C1orf21: variants seen among roughly 807,000 people sequenced by gnomAD.
C1orf21 encodes the protein chromosome 1 open reading frame 21, also known as uncharacterized protein C1orf21.
C1orf21 carries 3 observed loss-of-function variants against 18.7 expected under a neutral mutation model. The observed-to-expected ratio is 0.16, with a 90% CI of 0.07 to 0.42. The LOEUF is 0.42. C1orf21 is among the 10% of genes least tolerant of loss of function. C1orf21 has a pLI of 0.99. For synonymous variants in C1orf21, 41 were observed against 46.4 expected, an observed-to-expected ratio of 0.88 and a Z score of 0.47; for missense variants, 104 against 143.6, an observed-to-expected ratio of 0.72 and a Z score of 1.41.
chr1:184,582,543 C>T (rs186860041), intron 3 of C1orf21, among the ~76,000 whole-genome samples: 1 of 152,308 alleles, frequency 6.6e-6, no homozygotes, highest in East Asian at 1.9e-4. Context: ...CTCTAGGCCT[C>T]CAGCATCTAT....
intron 3 of C1orf21, among the ~76,000 whole-genome samples, chr1:184,554,000 C>T (rs189228711): frequency 2.0e-4 from 30 of 152,318 alleles, no homozygotes; most frequent in Middle Eastern, 3.4e-3. Context: ...GCAGTTTCTG[C>T]ATTAATGGGA....
chr1:184,606,817 A>G (rs182020036), intron 5 of C1orf21, among the ~76,000 whole-genome samples: 20 of 152,294 alleles, frequency 1.3e-4, no homozygotes, highest in Non-Finnish European at 2.1e-4. Context: ...CAAATCTGGA[A>G]GAATAGCATT....
intron 3 of C1orf21, among the ~76,000 whole-genome samples, chr1:184,539,044 A>T (rs948789775): frequency 6.6e-6 from 1 of 152,188 alleles, no homozygotes; most frequent in Admixed American, 6.5e-5. Context: ...GTTGAATTGA[A>T]GTGATGAAAA....
chr1:184,511,100 A>G (rs552399592), intron 3 of C1orf21, among the ~76,000 whole-genome samples: 9 of 152,332 alleles, frequency 5.9e-5, no homozygotes, highest in Admixed American at 5.9e-4. Context: ...GAGCATAATG[A>G]TATGTTGAAA....
At chr1:184,516,444 A>G (rs545644007) in intron 3 of C1orf21, among the ~76,000 whole-genome samples, 1 of 152,352 alleles carries the variant, frequency 6.6e-6, no homozygotes, top group East Asian at 1.9e-4. Context: ...ATTACATGTC[A>G]GGACATCTTT....
intron 3 of C1orf21, among the ~76,000 whole-genome samples, chr1:184,562,517 A>G (rs1361648990): frequency 1.3e-5 from 2 of 152,230 alleles, no homozygotes; most frequent in Non-Finnish European, 2.9e-5. Context: ...AGCAGCGTGT[A>G]AAGACATTGC....
intron 4 of C1orf21, 78 bp downstream of exon 4, chr1:184,590,893 C>T: frequency 7.8e-7 from 1 of 1,278,734 alleles, no homozygotes; most frequent in South Asian, 1.3e-5. Flanking sequence ...TTCAACTACC[C>T]ATGGATCAAA....
chr1:184,416,362 A>G (rs914669751), intron 1 of C1orf21, among the ~76,000 whole-genome samples: 1 of 152,176 alleles, frequency 6.6e-6, no homozygotes, highest in Non-Finnish European at 1.5e-5. Context: ...TATGAAAATT[A>G]ATCAAAATGT....
At chr1:184,581,179 C>T (rs932227723) in intron 3 of C1orf21, among the ~76,000 whole-genome samples, 1 of 152,184 alleles carries the variant, frequency 6.6e-6, no homozygotes, top group Non-Finnish European at 1.5e-5. Flanking sequence ...GTAATCCCAG[C>T]ACTTTTTGAG....
chr1:184,468,868 A>C (rs6694683), intron 1 of C1orf21, among the ~76,000 whole-genome samples: 10,293 of 151,792 alleles, frequency 0.068, 1,156 homozygotes, highest in African/African-American at 0.24. Context: ...CAGTGAGCCG[A>C]GATTGTGCCA....
chr1:184,592,656 T>C (rs1265074458), intron 4 of C1orf21, among the ~76,000 whole-genome samples: 1 of 152,054 alleles, frequency 6.6e-6, no homozygotes, highest in Non-Finnish European at 1.5e-5. Flanking sequence ...GACTATTACA[T>C]ATGTGTATTG....
rs150424329 is a variant in C1orf21, at chr1:184,527,044, C to A, written c.189+19362C>A. 7.4e-3 allele frequency among the ~76,000 whole-genome samples: 1,123 copies of A among 152,252 alleles called. 6 individuals carry two copies. The highest frequency in any genetic ancestry group is 0.02 in the Middle Eastern group (6 of 294). On this transcript the variant is annotated intron_variant, in intron 3 of 5. Transcript: ENST00000235307. ...ACCCAAACTTAGAACATCAGGGAAG[C>A]CTTCTTAATGGAGGGGCCCCCTTTA...
At chr1:184,416,860 TTCTAAAGATGACCAC>T (rs1009116052) in intron 1 of C1orf21, among the ~76,000 whole-genome samples, 1 of 152,186 alleles carries the variant, frequency 6.6e-6, no homozygotes, top group Admixed American at 6.5e-5. Flanking sequence ...AAATGCTAGT[TTCTAAAGATGACCAC>T]TCTTAGACAT....
At chr1:184,489,955 G>C (rs1410543462) in intron 2 of C1orf21, among the ~76,000 whole-genome samples, 1 of 152,166 alleles carries the variant, frequency 6.6e-6, no homozygotes, top group Non-Finnish European at 1.5e-5. Flanking sequence ...CACTACAACT[G>C]TTTATTTTGA....
intron 3 of C1orf21, among the ~76,000 whole-genome samples, chr1:184,549,424 T>C (rs946464365): frequency 6.6e-6 from 1 of 152,150 alleles, no homozygotes; most frequent in African/African-American, 2.4e-5. Context: ...TCAACAGCAG[T>C]GTTGTAAAAT....
intron 2 of C1orf21, among the ~76,000 whole-genome samples, chr1:184,485,278 A>C (rs1293982210): frequency 2.0e-5 from 3 of 152,192 alleles, no homozygotes; most frequent in Non-Finnish European, 4.4e-5. Flanking sequence ...TGAATATTTA[A>C]TATGAAAAAA....
chr1:184,387,316 A>C lies in C1orf21; in HGVS notation c.-177A>C, dbSNP rs1468421270. ...GAGGAAGAAAAAAGACGAGGAGGAC[A>C]GGGGCGGGGGGCGGGAGGCTTGCCA... On this transcript the variant is annotated 5_prime_UTR_variant, in exon 1 of 6. Coordinates refer to ENST00000235307, the MANE Select transcript of C1orf21 (RefSeq NM_030806.4). The surrounding 1 kb of genome is among the most constrained non-coding windows in gnomAD (Gnocchi z 5.6). The C allele has an allele frequency of 3.7e-5, 5 of 136,866 alleles. No homozygotes were observed. Among genetic ancestry groups the C allele is most frequent in the African/African-American group, 1.3e-4 (5 of 37,372 alleles). 8.5% of individuals were successfully genotyped at this position (136,866 alleles called of 1,614,324 possible). A position where few individuals can be genotyped will look rare whatever the true frequency, so the allele number is the denominator to read the frequency against.
At chr1:184,577,931 G>A (rs182380867) in intron 3 of C1orf21, among the ~76,000 whole-genome samples, 52 of 142,724 alleles carry the variant, frequency 3.6e-4, no homozygotes, top group Middle Eastern at 7.3e-3. Context: ...TTCTTTGTCC[G>A]TTTGTTTTTT....
chr1:184,410,665 T>TAA lies in C1orf21; in HGVS notation c.-125+23297_-125+23298insAA. Among the ~76,000 whole-genome samples the TAA allele has an allele frequency of 1.2e-4, 2 of 16,506 alleles. 1 individual carries two copies. The highest frequency in any genetic ancestry group is 2.7e-3 in the African/African-American group (2 of 728). 10.8% of individuals were successfully genotyped at this position (16,506 alleles called of 152,430 possible). A position where few individuals can be genotyped will look rare whatever the true frequency, so the allele number is the denominator to read the frequency against. ...TATATATATATATATATATATATAT[T>TAA]TTTTTTTTTTTTTTTTGAGATGGAG... On this transcript the variant is annotated intron_variant, in intron 1 of 5. Coordinates refer to ENST00000235307, the MANE Select transcript of C1orf21 (RefSeq NM_030806.4).
Sources: gnomAD v4.1 joint callset for allele counts (sites outside exome capture counted in the v4.1 genomes callset) on GRCh38, gnomAD v4.1.1 for gene constraint, Gnocchi (gnomAD v3.1) non-coding constraint, MANE v1.5 for transcripts, NCBI Gene and HGNC (gene_info 2026-07-23, HGNC 2026-07-21) for gene names.